Variants in BCLAF3 observed in about 807,000 individuals in gnomAD.
BCLAF3 encodes the protein transient octamer binding factor 1.
In BCLAF3, 24 loss-of-function variants were observed where a neutral mutation model predicts 51.2. That is an observed-to-expected ratio of 0.47 (90% CI 0.34 to 0.66). BCLAF3 has a LOEUF of 0.66. Among genes scored for constraint, BCLAF3 ranks in the 30% least tolerant of loss-of-function variants. BCLAF3 has a pLI of 0.01. For missense variants in BCLAF3, 465 were observed against 525.1 expected (o/e 0.89, Z 1.12); for synonymous variants, 152 against 176.6 (o/e 0.86, Z 1.10).
intron 4 of BCLAF3, among the ~76,000 whole-genome samples, chrX:19,956,739 T>C (rs2071679711): frequency 2.7e-5 from 3 of 111,505 alleles, no homozygotes; most frequent in South Asian, 3.8e-4. Context: ...GTCTAAAGAA[T>C]TGACATTTGC....
chrX:19,948,773 C>CAA (rs774401751), intron 8 of BCLAF3, among the ~76,000 whole-genome samples: 34 of 71,727 alleles, frequency 4.7e-4, no homozygotes, highest in African/African-American at 1.5e-3. Flanking sequence ...GATCCTGTCT[C>CAA]AAAAAAAAAA....
At chrX:19,954,236 T>G in intron 5 of BCLAF3, 1 of 732,933 alleles carries the variant, frequency 1.4e-6, no homozygotes, top group Non-Finnish European at 1.6e-6. Context: ...GGCATAGAGC[T>G]TCACAGTTGA....
chrX:19,917,243 A>G lies in BCLAF3; in HGVS notation c.*62T>C, dbSNP rs1421710585. On this transcript the variant is annotated 3_prime_UTR_variant, in exon 12 of 12. Coordinates refer to ENST00000379682, the MANE Select transcript of BCLAF3 (RefSeq NM_001367774.2). ...TTAGTGTCACTTCTAACTCCTGACAAAAAGAGAGAGATGCTCCCAAACATC... is the reference window on the plus strand; with the variant it reads ...TTAGTGTCACTTCTAACTCCTGACAGAAAGAGAGAGATGCTCCCAAACATC... 2.8e-6 allele frequency: 3 copies of G among 1,054,838 alleles called. No homozygotes were observed. Among genetic ancestry groups the G allele is most frequent in the Non-Finnish European group, 4.0e-6 (3 of 756,508 alleles). 86.9% of individuals were successfully genotyped at this position (1,054,838 alleles called of 1,213,427 possible). A position where few individuals can be genotyped will look rare whatever the true frequency, so the allele number is the denominator to read the frequency against.
intron 10 of BCLAF3, among the ~76,000 whole-genome samples, chrX:19,932,525 ATTTT>A (rs58949658): frequency 1.3e-4 from 10 of 77,437 alleles, no homozygotes; most frequent in Admixed American, 4.4e-4. Flanking sequence ...ACAAGTCAAG[ATTTT>A]TTTTTTTTTT....
chrX:19,980,249 C>T (rs1455801817), intron 1 of BCLAF3, among the ~76,000 whole-genome samples: 1 of 111,703 alleles, frequency 9.0e-6, no homozygotes, highest in Non-Finnish European at 1.9e-5. Context: ...ATTCTCAAGG[C>T]TCCCAGGCAA....
At chrX:19,981,679 T>C (rs980321872) in intron 1 of BCLAF3, among the ~76,000 whole-genome samples, 18 of 112,298 alleles carry the variant, frequency 1.6e-4, no homozygotes, top group Non-Finnish European at 1.5e-4. Context: ...GGAATATGTA[T>C]CATTTGACCA....
intron 5 of BCLAF3, 163 bp from the exon 6 acceptor site, chrX:19,954,055 A>T: frequency 5.3e-6 from 4 of 754,557 alleles, no homozygotes; most frequent in Non-Finnish European, 6.3e-6. Context: ...TGTAGCGCTC[A>T]CGTGCCTTCC....
chrX:19,931,202 T>C (rs73193563), intron 10 of BCLAF3, among the ~76,000 whole-genome samples: 1 of 112,127 alleles, frequency 8.9e-6, no homozygotes, highest in Non-Finnish European at 1.9e-5. Flanking sequence ...CCCTTGTTAA[T>C]CTACTGCTGG....
intron 5 of BCLAF3, chrX:19,954,135 C>T (rs1047092981): frequency 1.2e-5 from 9 of 754,172 alleles, no homozygotes; most frequent in Non-Finnish European, 1.4e-5. Flanking sequence ...GACACGCCTG[C>T]TTACTTGTCC....
Position 19,990,978 on chromosome X carries a change from C to T in BCLAF3, c.-105G>A, listed in dbSNP as rs1369007099. Among the ~76,000 whole-genome samples, 1 of 105,710 alleles carries T rather than the reference C, an allele frequency of 9.5e-6. No individual in the cohort carries two copies. The highest frequency in any genetic ancestry group is 2.0e-5 in the Non-Finnish European group (1 of 50,940). The allele number at this position is 105,710 out of a possible 115,157, so 91.8% of individuals were successfully genotyped here. On this transcript the variant is annotated 5_prime_UTR_variant, in exon 1 of 12. Coordinates refer to ENST00000379682, the MANE Select transcript of BCLAF3 (RefSeq NM_001367774.2). ...CCGCCGCCGCCGCCGCCGCCGGCCC[C>T]TCGGGCCTCGCCCCTCACTCTGCCG...
chrX:19,968,224 A>C (rs1406449152), intron 2 of BCLAF3, among the ~76,000 whole-genome samples: 1 of 112,851 alleles, frequency 8.9e-6, no homozygotes, highest in African/African-American at 3.2e-5. Flanking sequence ...AAAGGAACAA[A>C]AAAGACTCAA....
intron 8 of BCLAF3, among the ~76,000 whole-genome samples, chrX:19,950,415 A>G (rs1286589302): frequency 1.8e-5 from 2 of 112,426 alleles, no homozygotes; most frequent in African/African-American, 6.5e-5. Context: ...TCTAAAGGGC[A>G]GAATGTATCA....
intron 10 of BCLAF3, among the ~76,000 whole-genome samples, chrX:19,931,755 T>C (rs1253458686): frequency 8.9e-6 from 1 of 112,178 alleles, no homozygotes; most frequent in Non-Finnish European, 1.9e-5. Flanking sequence ...TAACATTATA[T>C]GCAAGGTACA....
intron 8 of BCLAF3, among the ~76,000 whole-genome samples, chrX:19,939,135 G>T (rs1311658025): frequency 8.9e-6 from 1 of 112,036 alleles, no homozygotes; most frequent in Non-Finnish European, 1.9e-5. Flanking sequence ...GTGCAAAGTT[G>T]TATATTGAGG....
chrX:19,961,222 CCTAA>C (rs2071844629), intron 4 of BCLAF3, among the ~76,000 whole-genome samples: 1 of 112,406 alleles, frequency 8.9e-6, no homozygotes, highest in Admixed American at 9.4e-5. Flanking sequence ...ACTGTGATTC[CCTAA>C]CTTACATTCT....
At chrX:19,954,824 TG>T (rs2071607461) in intron 5 of BCLAF3, among the ~76,000 whole-genome samples, 1 of 112,145 alleles carries the variant, frequency 8.9e-6, no homozygotes, top group Non-Finnish European at 1.9e-5. Context: ...TCTATATCAC[TG>T]AATTTTCCAA....
intron 8 of BCLAF3, among the ~76,000 whole-genome samples, chrX:19,945,278 A>G (rs1162237629): frequency 1.8e-5 from 2 of 108,306 alleles, no homozygotes; most frequent in African/African-American, 6.9e-5. Context: ...TCAGCTCGTC[A>G]AAGTCATTCT....
In BCLAF3 at chrX:19,965,494, G is replaced by A; in HGVS notation, c.824C>T (p.Thr275Ile). The change falls in exon 4 of 12, where the codon ACC becomes ATC. Residue 275 changes from threonine to isoleucine, a missense_variant. Coordinates refer to ENST00000379682, the MANE Select transcript of BCLAF3 (RefSeq NM_001367774.2). The stretch of plus-strand genomic sequence containing the variant: ...GTGACGATAGTCATAGGATACTTTG[G>A]TTGCTGAACTGGTCTCTGGGTGTTC... ...EREHPETSSATKVSYDYRHKR... is the reference protein window; with the variant it reads ...EREHPETSSAIKVSYDYRHKR... 8.3e-7 allele frequency: 1 copy of A among 1,210,327 alleles called. No homozygotes were observed. The highest frequency in any genetic ancestry group is 1.1e-6 in the Non-Finnish European group (1 of 895,062).
At chrX:19,936,678 G>A (rs778296654) in intron 9 of BCLAF3, among the ~76,000 whole-genome samples, 1 of 111,523 alleles carries the variant, frequency 9.0e-6, no homozygotes, top group East Asian at 2.8e-4. Context: ...GTGAAATTAG[G>A]TTACCGACTC....
Sources: allele counts gnomAD v4.1 joint callset (sites outside exome capture counted in the v4.1 genomes callset), GRCh38; gene constraint gnomAD v4.1.1; transcripts MANE v1.5; gene names NCBI Gene and HGNC (gene_info 2026-07-23, HGNC 2026-07-21).